Variants in MCTP1 observed in about 807,000 individuals in gnomAD.
MCTP1 encodes multiple C2 and transmembrane domain containing 1.
MCTP1 carries 69 observed loss-of-function variants against 120.6 expected under a neutral mutation model. The observed-to-expected ratio is 0.57, with a 90% CI of 0.47 to 0.70. The LOEUF (loss-of-function observed/expected upper bound fraction) is 0.70, where lower values mean the gene tolerates loss of function less well. MCTP1 is among the 30% of genes least tolerant of loss of function. The pLI, the probability that MCTP1 is intolerant of heterozygous loss-of-function variation, is 0.00. For missense variants in MCTP1, 1,203 were observed against 1,248.8 expected, an observed-to-expected ratio of 0.96 and a Z score of 0.55; for synonymous variants, 529 against 493.1, an observed-to-expected ratio of 1.07 and a Z score of -0.96.
intron 12 of MCTP1, among the ~76,000 whole-genome samples, chr5:94,880,510 A>T (rs1223161603): frequency 6.6e-6 from 1 of 152,168 alleles, no homozygotes; most frequent in Non-Finnish European, 1.5e-5. Context: ...GAAAATTGTC[A>T]TCTGTTAAGT....
intron 1 of MCTP1, among the ~76,000 whole-genome samples, chr5:95,199,438 A>G (rs1750752392): frequency 6.6e-6 from 1 of 152,222 alleles, no homozygotes; most frequent in Admixed American, 6.5e-5. Flanking sequence ...ACATTTCTAA[A>G]AAGAATATAT....
At chr5:95,262,265 G>T (rs1462110739) in intron 1 of MCTP1, among the ~76,000 whole-genome samples, 6 of 152,034 alleles carry the variant, frequency 3.9e-5, no homozygotes, top group Non-Finnish European at 7.4e-5. Context: ...ACATTTTTTT[G>T]ATCACAGGAT....
intron 1 of MCTP1, among the ~76,000 whole-genome samples, chr5:95,261,934 G>A (rs1582688617): frequency 6.6e-6 from 1 of 152,290 alleles, no homozygotes; most frequent in African/African-American, 2.4e-5. Context: ...TCTGGGGCTG[G>A]GACTGCAGAG....
At chr5:95,208,609 A>C (rs1751950292) in intron 1 of MCTP1, among the ~76,000 whole-genome samples, 1 of 152,132 alleles carries the variant, frequency 6.6e-6, no homozygotes, top group Admixed American at 6.6e-5. Context: ...ACATACAAGC[A>C]GAGGAGCTGG....
chr5:94,749,231 A>G (rs925133122), intron 19 of MCTP1, among the ~76,000 whole-genome samples: 5 of 152,186 alleles, frequency 3.3e-5, no homozygotes, highest in Admixed American at 3.3e-4. Flanking sequence ...AGACAGATGT[A>G]CCCTTTGCTG....
chr5:95,118,304 G>T (rs1396911025), intron 1 of MCTP1, among the ~76,000 whole-genome samples: 1 of 152,112 alleles, frequency 6.6e-6, no homozygotes, highest in Non-Finnish European at 1.5e-5. Context: ...TATGCAAGCA[G>T]TATTAAGTTC....
intron 17 of MCTP1, among the ~76,000 whole-genome samples, chr5:94,844,775 C>G (rs1001732325): frequency 6.6e-6 from 1 of 152,164 alleles, no homozygotes; most frequent in Admixed American, 6.5e-5. Context: ...TCTTTCCCTT[C>G]CTCCCACACC....
intron 1 of MCTP1, among the ~76,000 whole-genome samples, chr5:95,283,146 A>G (rs1384142990): frequency 3.3e-5 from 5 of 152,242 alleles, no homozygotes; most frequent in Non-Finnish European, 7.3e-5. Context: ...AATTTCTAGT[A>G]AAAGCACTTT....
Position 94,918,017 on chromosome 5 carries a change from A to T in MCTP1, c.1273-44T>A, listed in dbSNP as rs374056589. The T allele has an allele frequency of 1.8e-5, 25 of 1,381,776 alleles. No individual in the cohort carries two copies. The African/African-American group carries it at 3.4e-4, about 19-fold the overall frequency. 85.6% of individuals were successfully genotyped at this position (1,381,776 alleles called of 1,614,324 possible). On this transcript the variant is annotated intron_variant, in intron 7 of 22. Transcript: ENST00000515393. ...TCAGAGCTGTACGGGGAAGCTTTGT[A>T]CCATTCTCAACCCCTCATTTTGATC...
chr5:95,260,935 A>G (rs1296177408), intron 1 of MCTP1, among the ~76,000 whole-genome samples: 1 of 152,196 alleles, frequency 6.6e-6, no homozygotes, highest in South Asian at 2.1e-4. Flanking sequence ...TTTTGGTTCA[A>G]TTCTTTGATT....
chr5:94,827,274 T>C (rs1263405372), intron 17 of MCTP1, among the ~76,000 whole-genome samples: 1 of 152,208 alleles, frequency 6.6e-6, no homozygotes, highest in Non-Finnish European at 1.5e-5. Context: ...AATTCTTTTC[T>C]TTAAGAGTGT....
At chr5:95,159,548 G>C (rs945651813) in intron 1 of MCTP1, among the ~76,000 whole-genome samples, 3 of 152,164 alleles carry the variant, frequency 2.0e-5, no homozygotes, top group African/African-American at 7.2e-5. Flanking sequence ...TAAGGATAAA[G>C]AGATTACTAA....
intron 19 of MCTP1, among the ~76,000 whole-genome samples, chr5:94,750,345 G>C (rs1397549141): frequency 5.3e-5 from 8 of 152,194 alleles, no homozygotes; most frequent in Admixed American, 2.6e-4. Flanking sequence ...GGGGGCAAAT[G>C]AAACTTGGTT....
intron 1 of MCTP1, among the ~76,000 whole-genome samples, chr5:95,149,680 CTG>C (rs2152456087): frequency 6.6e-6 from 1 of 152,336 alleles, no homozygotes; most frequent in Admixed American, 6.5e-5. Flanking sequence ...AGCACCATGA[CTG>C]TGGCCTCCAC....
chr5:95,161,608 AT>A (rs1022140303), intron 1 of MCTP1, among the ~76,000 whole-genome samples: 4 of 152,190 alleles, frequency 2.6e-5, no homozygotes, highest in East Asian at 1.9e-4. Flanking sequence ...ACCACAAAAA[AT>A]ATGTAATAAA....
chr5:95,284,663 C>T lies in MCTP1; in HGVS notation c.-88G>A. ...CTTCGGCTGCACCTCCTCCCGGGTC[C>T]CCGCGGCGCTGGCGGTGGCGGCGGC... On this transcript the variant is annotated 5_prime_UTR_variant, in exon 1 of 23. Coordinates refer to ENST00000515393, the MANE Select transcript of MCTP1 (RefSeq NM_024717.7). The surrounding 1 kb of genome is among the most constrained non-coding windows in gnomAD (Gnocchi z 5.2). The T allele has an allele frequency of 2.6e-6, 3 of 1,160,456 alleles. No individual in the cohort carries two copies. Among genetic ancestry groups the T allele is most frequent in the Middle Eastern group, 3.0e-4 (1 of 3,344 alleles). 71.9% of individuals were successfully genotyped at this position (1,160,456 alleles called of 1,614,324 possible). A position where few individuals can be genotyped will look rare whatever the true frequency, so the allele number is the denominator to read the frequency against.
At chr5:95,253,508 T>C (rs980836520) in intron 1 of MCTP1, among the ~76,000 whole-genome samples, 1 of 152,036 alleles carries the variant, frequency 6.6e-6, no homozygotes, top group Non-Finnish European at 1.5e-5. Context: ...CACACAGCTA[T>C]ATTATGTACC....
intron 1 of MCTP1, among the ~76,000 whole-genome samples, chr5:95,032,018 G>T (rs1840402056): frequency 6.6e-6 from 1 of 152,068 alleles, no homozygotes; most frequent in African/African-American, 2.4e-5. Flanking sequence ...AATGATAAAA[G>T]ATTCCTCCAA....
At chr5:94,717,986 CCTT>C (rs1759915324) in intron 19 of MCTP1, among the ~76,000 whole-genome samples, 2 of 152,114 alleles carry the variant, frequency 1.3e-5, no homozygotes, top group African/African-American at 2.4e-5. Flanking sequence ...CTACCACTGA[CCTT>C]CTTCACAAAA....
Sources: gnomAD v4.1 joint callset for allele counts (sites outside exome capture counted in the v4.1 genomes callset) on GRCh38, gnomAD v4.1.1 for gene constraint, Gnocchi (gnomAD v3.1) non-coding constraint, MANE v1.5 for transcripts, NCBI Gene and HGNC (gene_info 2026-07-23, HGNC 2026-07-21) for gene names.